Variants in SLC44A5 observed in about 807,000 individuals in gnomAD.
The protein encoded by SLC44A5 is solute carrier family 44 member 5, also known as choline transporter-like protein 5.
In SLC44A5, 57 loss-of-function variants were observed where a neutral mutation model predicts 101.8. The ratio of observed to expected loss-of-function variants is 0.56; its 90% CI spans 0.45 to 0.70. The LOEUF (loss-of-function observed/expected upper bound fraction) is 0.70, where lower values mean the gene tolerates loss of function less well. Ranked by LOEUF, SLC44A5 falls within the 30% of genes least tolerant of loss-of-function variation. SLC44A5 has a pLI of 0.00. For synonymous variants in SLC44A5, 281 were observed against 290.9 expected, an observed-to-expected ratio of 0.97 and a Z score of 0.35; for missense variants, 737 against 853.1, an observed-to-expected ratio of 0.86 and a Z score of 1.70.
the SLC44A5 span, among the ~76,000 whole-genome samples, chr1:75,676,302 C>T: frequency 4.6e-5 from 7 of 152,120 alleles, no homozygotes; most frequent in Non-Finnish European, 8.8e-5. Context: ...AACCCAAATG[C>T]CCATCAATGA....
At chr1:75,238,376 C>A in intron 10 of SLC44A5, 137 bp downstream of exon 10, 1 of 221,370 alleles carries the variant, frequency 4.5e-6, no homozygotes. Context: ...CACAGTAACA[C>A]GTATATTTCA....
At chr1:75,704,028 GTTAA>G in the SLC44A5 span, among the ~76,000 whole-genome samples, 1 of 151,110 alleles carries the variant, frequency 6.6e-6, no homozygotes, top group Non-Finnish European at 1.5e-5. Flanking sequence ...TCTCTAATTA[GTTAA>G]TTAATTAATA....
At chr1:75,252,863 A>T (rs2100653623) in intron 6 of SLC44A5, among the ~76,000 whole-genome samples, 1 of 152,322 alleles carries the variant, frequency 6.6e-6, no homozygotes, top group East Asian at 1.9e-4. Flanking sequence ...CTCACCTGAC[A>T]TTAAGAGACT....
At chr1:75,324,916 T>C (rs1242388055) in intron 4 of SLC44A5, among the ~76,000 whole-genome samples, 1 of 152,096 alleles carries the variant, frequency 6.6e-6, no homozygotes, top group Non-Finnish European at 1.5e-5. Context: ...CAATGAACAA[T>C]GAAAGTTAAA....
chr1:75,325,096 TAATAAA>T (rs1404706483), intron 4 of SLC44A5, among the ~76,000 whole-genome samples: 2 of 151,848 alleles, frequency 1.3e-5, no homozygotes, highest in Non-Finnish European at 1.5e-5. Context: ...ACAACCAGGG[TAATAAA>T]TGGAGTGTAT....
Position 75,510,369 on chromosome 1 carries a change from T to G in SLC44A5, c.13+31066A>C, listed in dbSNP as rs75774624. Among the ~76,000 whole-genome samples the G allele has an allele frequency of 2.0e-5, 3 of 152,228 alleles. No individual in the cohort carries two copies. The East Asian group carries it at 5.8e-4, about 29-fold the overall frequency. ...ACTGTATTTCTCAAATTTGATAAGA[T>G]AAATTTCCAACTAGATTTAAGAGAT... On this transcript the variant is annotated intron_variant, in intron 2 of 23. Coordinates refer to ENST00000370859, the MANE Select transcript of SLC44A5 (RefSeq NM_001130058.2).
At chr1:75,330,104 TATAC>T (rs1339248338) in intron 4 of SLC44A5, among the ~76,000 whole-genome samples, 14 of 144,244 alleles carry the variant, frequency 9.7e-5, no homozygotes, top group South Asian at 2.2e-4. Flanking sequence ...AATATATATA[TATAC>T]ACACACACAC....
intron 2 of SLC44A5, among the ~76,000 whole-genome samples, chr1:75,508,837 A>T (rs1669410254): frequency 6.6e-6 from 1 of 152,248 alleles, no homozygotes; most frequent in Non-Finnish European, 1.5e-5. Context: ...ATATGAGAGA[A>T]TAATTTAGGG....
chr1:75,721,222 C>T, the SLC44A5 span, among the ~76,000 whole-genome samples: 196 of 152,220 alleles, frequency 1.3e-3, no homozygotes, highest in African/African-American at 4.3e-3. Context: ...CCCTAGCCTA[C>T]GAGAAAGTCC....
At chr1:75,303,838 A>G (rs897244408) in intron 4 of SLC44A5, among the ~76,000 whole-genome samples, 2 of 152,174 alleles carry the variant, frequency 1.3e-5, no homozygotes, top group South Asian at 2.1e-4. Context: ...ATAGCATTAG[A>G]AGATATACCT....
chr1:75,226,609 T>C (rs1486630111), intron 13 of SLC44A5, among the ~76,000 whole-genome samples: 1 of 152,170 alleles, frequency 6.6e-6, no homozygotes, highest in Non-Finnish European at 1.5e-5. Flanking sequence ...GACGCATGCC[T>C]GTAATCATGA....
chr1:75,602,566 A>G (rs1203105015), intron 1 of SLC44A5, among the ~76,000 whole-genome samples: 1 of 152,146 alleles, frequency 6.6e-6, no homozygotes, highest in Non-Finnish European at 1.5e-5. Flanking sequence ...AAGAGCAATA[A>G]TGGTCCTCCT....
chr1:75,214,094 C>CCAAA, intron 20 of SLC44A5, 105 bp from the exon 21 acceptor site: 1 of 728,458 alleles, frequency 1.4e-6, no homozygotes, highest in Non-Finnish European at 2.3e-6. Context: ...TGTGTCTTTG[C>CCAAA]TGAAATTGTA....
chr1:75,592,942 T>C (rs1674432568), intron 1 of SLC44A5, among the ~76,000 whole-genome samples: 1 of 152,064 alleles, frequency 6.6e-6, no homozygotes, highest in South Asian at 2.1e-4. Flanking sequence ...CAAAAATTTC[T>C]TGAGCAATAT....
At chr1:75,523,321 G>C (rs1670241328) in intron 2 of SLC44A5, among the ~76,000 whole-genome samples, 1 of 152,072 alleles carries the variant, frequency 6.6e-6, no homozygotes, top group African/African-American at 2.4e-5. Context: ...TCTTGAGCAA[G>C]AAATATCTAC....
chr1:75,368,643 GCACACACA>G (rs10598515), intron 3 of SLC44A5, among the ~76,000 whole-genome samples: 1 of 144,010 alleles, frequency 6.9e-6, no homozygotes, highest in African/African-American at 2.6e-5. Flanking sequence ...AAATGTGCAT[GCACACACA>G]CACACACACA....
intron 2 of SLC44A5, among the ~76,000 whole-genome samples, chr1:75,461,682 G>A (rs986559582): frequency 5.9e-5 from 9 of 152,118 alleles, no homozygotes; most frequent in African/African-American, 2.2e-4. Context: ...TCGGCCAGAG[G>A]AGTGCCTACT....
intron 17 of SLC44A5, 33 bp from the exon 18 acceptor site, chr1:75,217,993 C>T (rs1646998251): frequency 7.4e-7 from 1 of 1,353,918 alleles, no homozygotes; most frequent in Non-Finnish European, 1.1e-6. Context: ...TAAGTTAAAA[C>T]TTAATACTAT....
Position 75,305,533 on chromosome 1 carries a change from C to T in SLC44A5, c.102-4848G>A, listed in dbSNP as rs1654833857. 2.0e-5 allele frequency among the ~76,000 whole-genome samples: 3 copies of T among 152,232 alleles called. No individual in the cohort carries two copies. In the South Asian group the frequency reaches 6.2e-4, roughly 31 times the overall value. ...CCAAGATCAATCCTAATTCAAGCCC[C>T]AGGCTACCTTTCTAGCTGTATCTCC... is the stretch of plus-strand genomic sequence containing the variant. On this transcript the variant is annotated intron_variant, in intron 4 of 23. Transcript: ENST00000370859.
Sources: allele counts gnomAD v4.1 joint callset (sites outside exome capture counted in the v4.1 genomes callset), GRCh38; gene constraint gnomAD v4.1.1; transcripts MANE v1.5; gene names NCBI Gene and HGNC (gene_info 2026-07-23, HGNC 2026-07-21).